SLC2A13: variants seen among roughly 807,000 people sequenced by gnomAD.
The protein encoded by SLC2A13 is proton myo-inositol cotransporter.
SLC2A13 carries 32 observed loss-of-function variants against 64.4 expected under a neutral mutation model. The observed-to-expected ratio is 0.50, with a 90% CI of 0.37 to 0.67. SLC2A13 has a LOEUF of 0.67. Ranked by LOEUF, SLC2A13 falls within the 30% of genes least tolerant of loss-of-function variation. The probability of loss-of-function intolerance (pLI) is 0.00; values close to 1 mark genes in which losing one functional copy is unlikely to be tolerated. For missense variants in SLC2A13, 743 were observed against 829.2 expected, an observed-to-expected ratio of 0.90 and a Z score of 1.28; for synonymous variants, 338 against 327.1, an observed-to-expected ratio of 1.03 and a Z score of -0.36.
At chr12:39,860,930 C>T (rs1290071395) in intron 6 of SLC2A13, among the ~76,000 whole-genome samples, 1 of 152,164 alleles carries the variant, frequency 6.6e-6, no homozygotes, top group African/African-American at 2.4e-5. Context: ...CACACCCCTG[C>T]TTAAAATTCT....
chr12:39,928,690 T>G (rs1272007153), intron 4 of SLC2A13, among the ~76,000 whole-genome samples: 2 of 152,122 alleles, frequency 1.3e-5, no homozygotes, highest in Non-Finnish European at 2.9e-5. Context: ...AAAATGACTA[T>G]AAAGTAATTA....
At chr12:39,926,612 C>T (rs7138075) in intron 4 of SLC2A13, among the ~76,000 whole-genome samples, 130,103 of 152,132 alleles carry the variant, frequency 0.86, 55,744 homozygotes, top group East Asian at 1. Context: ...ACAGTTCTAA[C>T]CTTTTTTATT....
At chr12:39,794,261 A>G (rs1229100170) in intron 7 of SLC2A13, among the ~76,000 whole-genome samples, 1 of 151,234 alleles carries the variant, frequency 6.6e-6, no homozygotes, top group Non-Finnish European at 1.5e-5. Flanking sequence ...AAACCCCCTT[A>G]TTCTTGATAT....
At chr12:40,064,860 CAAATAAAAATTCA>C (rs1442912745) in intron 1 of SLC2A13, among the ~76,000 whole-genome samples, 3 of 151,926 alleles carry the variant, frequency 2.0e-5, no homozygotes, top group Admixed American at 1.3e-4. Flanking sequence ...CAAACCTTAT[CAAATAAAAATTCA>C]ATCTAAAAAT....
At chr12:39,948,552 T>C (rs1211447842) in intron 4 of SLC2A13, among the ~76,000 whole-genome samples, 2 of 152,184 alleles carry the variant, frequency 1.3e-5, no homozygotes, top group African/African-American at 4.8e-5. Context: ...TATCTTTTAA[T>C]GTATTTGTTT....
chr12:40,025,451 C>CAT (rs1476995178), intron 3 of SLC2A13, among the ~76,000 whole-genome samples: 1 of 152,170 alleles, frequency 6.6e-6, no homozygotes, highest in African/African-American at 2.4e-5. Flanking sequence ...AGAAGGATCA[C>CAT]ATATGCAAGT....
chr12:40,087,819 T>C (rs1402382231), intron 1 of SLC2A13, among the ~76,000 whole-genome samples: 1 of 152,186 alleles, frequency 6.6e-6, no homozygotes, highest in African/African-American at 2.4e-5. Context: ...GGTTAATTTG[T>C]ACAAATTCAT....
chr12:40,042,237 G>GC lies in SLC2A13; in HGVS notation c.716+5813_716+5814insG, dbSNP rs1241388508. On this transcript the variant is annotated intron_variant, in intron 2 of 9. Transcript: ENST00000280871. ...TAGTGAGGTGGAATAAGATAAGCCTGTTTTTTTTTTAAAGTAGATCTAGGA... is the reference window on the plus strand; with the variant it reads ...TAGTGAGGTGGAATAAGATAAGCCTGCTTTTTTTTTTAAAGTAGATCTAGGA... Among the ~76,000 whole-genome samples, 43 of 148,774 alleles carry GC rather than the reference G, an allele frequency of 2.9e-4. 1 individual carries two copies. The East Asian group carries it at 6.8e-3, about 24-fold the overall frequency.
At chr12:39,865,009 TC>T in intron 5 of SLC2A13, 127 bp from the exon 6 acceptor site, 1 of 825,898 alleles carries the variant, frequency 1.2e-6, no homozygotes, top group Non-Finnish European at 1.8e-6. Flanking sequence ...AATACCGTGC[TC>T]TATCTTCACT....
At chr12:39,916,249 G>C (rs1565540352) in intron 4 of SLC2A13, among the ~76,000 whole-genome samples, 1 of 151,868 alleles carries the variant, frequency 6.6e-6, no homozygotes, top group Non-Finnish European at 1.5e-5. Context: ...ATTAGAAAAA[G>C]ACTGAACATA....
At chr12:39,985,349 C>T (rs917940971) in intron 3 of SLC2A13, among the ~76,000 whole-genome samples, 1 of 152,080 alleles carries the variant, frequency 6.6e-6, no homozygotes, top group Non-Finnish European at 1.5e-5. Context: ...CCATTATTTG[C>T]ATTCTCTGAT....
chr12:39,931,707 T>C (rs1663656377), intron 4 of SLC2A13, among the ~76,000 whole-genome samples: 1 of 152,150 alleles, frequency 6.6e-6, no homozygotes, highest in African/African-American at 2.4e-5. Context: ...GCTTGTAAAT[T>C]CCAATTTAAC....
intron 7 of SLC2A13, among the ~76,000 whole-genome samples, chr12:39,826,648 T>G (rs1410679354): frequency 6.6e-6 from 1 of 151,164 alleles, no homozygotes; most frequent in African/African-American, 2.4e-5. Flanking sequence ...ATTAGAAGGC[T>G]TTTTTCTAAA....
intron 3 of SLC2A13, among the ~76,000 whole-genome samples, chr12:39,954,174 G>A (rs142756975): frequency 6.6e-6 from 1 of 152,286 alleles, no homozygotes; most frequent in East Asian, 1.9e-4. Context: ...AACAAATGAG[G>A]CGAACCCTGT....
intron 4 of SLC2A13, among the ~76,000 whole-genome samples, chr12:39,931,747 G>C (rs1018985645): frequency 1.3e-5 from 2 of 151,896 alleles, no homozygotes; most frequent in African/African-American, 4.8e-5. Context: ...AGTACGTTAG[G>C]AATGGACTCT....
chr12:39,927,331 G>T (rs1003171036), intron 4 of SLC2A13, among the ~76,000 whole-genome samples: 4 of 152,102 alleles, frequency 2.6e-5, no homozygotes, highest in Non-Finnish European at 4.4e-5. Context: ...TCTAGGTATA[G>T]AATAGAGATC....
chr12:40,031,250 T>C (rs879886791), intron 2 of SLC2A13, among the ~76,000 whole-genome samples: 1 of 151,936 alleles, frequency 6.6e-6, no homozygotes, highest in Non-Finnish European at 1.5e-5. Context: ...TTAGATGGAG[T>C]CTCACTCTGT....
chr12:40,105,412 C>G lies in SLC2A13; in HGVS notation c.397G>C (p.Val133Leu). 6.5e-7 allele frequency: 1 copy of G among 1,549,366 alleles called. No individual in the cohort carries two copies. Among genetic ancestry groups the G allele is most frequent in the Non-Finnish European group, 8.7e-7 (1 of 1,147,788 alleles). The change falls in exon 1 of 10, where the codon GTC becomes CTC. Residue 133 changes from valine to leucine, a missense_variant. Coordinates refer to ENST00000280871, the MANE Select transcript of SLC2A13 (RefSeq NM_052885.4). This position sits in a 1 kb window ranked among gnomAD's most constrained non-coding sequence, Gnocchi z 4.2. ...LVSSTVGAAA[V>L]SALAGGALNG... ...AGGGCGCCTCCGGCCAGCGCCGAGA[C>G]GGCAGCCGCCCCCACCGTGCTGGAC...
intron 4 of SLC2A13, among the ~76,000 whole-genome samples, chr12:39,927,373 G>A (rs1374340357): frequency 1.3e-5 from 2 of 152,152 alleles, no homozygotes; most frequent in East Asian, 3.8e-4. Context: ...TGAGTCATAT[G>A]AAGTTTCCTG....
Sources: gnomAD v4.1 joint callset for allele counts (sites outside exome capture counted in the v4.1 genomes callset) on GRCh38, gnomAD v4.1.1 for gene constraint, Gnocchi (gnomAD v3.1) non-coding constraint, MANE v1.5 for transcripts, NCBI Gene and HGNC (gene_info 2026-07-23, HGNC 2026-07-21) for gene names.